Variants in RPS6KC1 observed in about 807,000 individuals in gnomAD.
The protein encoded by RPS6KC1 is inactive ribosomal protein S6 kinase delta-1.
Under a neutral mutation model 103.8 loss-of-function variants are expected in RPS6KC1, and 54 were observed. The ratio of observed to expected loss-of-function variants is 0.52; its 90% CI spans 0.42 to 0.65. The LOEUF (loss-of-function observed/expected upper bound fraction) is 0.65, where lower values mean the gene tolerates loss of function less well. Among genes scored for constraint, RPS6KC1 ranks in the 30% least tolerant of loss-of-function variants. The probability of loss-of-function intolerance (pLI) is 0.00; values close to 1 mark genes in which losing one functional copy is unlikely to be tolerated. For synonymous variants in RPS6KC1, 439 were observed against 438.7 expected (o/e 1.00, Z -0.01); for missense variants, 1,151 against 1,253.8 (o/e 0.92, Z 1.24).
chr1:213,091,959 C>CT (rs34813812), intron 3 of RPS6KC1, among the ~76,000 whole-genome samples: 66,333 of 145,276 alleles, frequency 0.46, 18,202 homozygotes, highest in Non-Finnish European at 0.62. Flanking sequence ...CATTACATTT[C>CT]TTTTTTTTTT....
At chr1:213,650,834 G>A in the RPS6KC1 span, among the ~76,000 whole-genome samples, 1 of 151,050 alleles carries the variant, frequency 6.6e-6, no homozygotes, top group African/African-American at 2.4e-5. Context: ...AATATGGGAA[G>A]CCAAACTCAA....
chr1:213,535,112 A>G, the RPS6KC1 span, among the ~76,000 whole-genome samples: 2 of 152,184 alleles, frequency 1.3e-5, no homozygotes, highest in African/African-American at 2.4e-5. Flanking sequence ...CAGGCTCCAT[A>G]TGGAGGTTCA....
At position 213,112,500 on chromosome 1, in the gene RPS6KC1, ATTTT is replaced by A. The variant is rs543879407; in HGVS notation, c.379-4812_379-4809del. ...AAATATCTCTACTAAAAGTACCTTA[ATTTT>A]TTTTGTTTTACCTATATTGTATACA... On this transcript the variant is annotated intron_variant, in intron 4 of 14. Coordinates refer to ENST00000366960, the MANE Select transcript of RPS6KC1 (RefSeq NM_012424.6). Among the ~76,000 whole-genome samples, 554 of 151,310 alleles carry A rather than the reference ATTTT, an allele frequency of 3.7e-3. 4 individuals are homozygous for A. Among genetic ancestry groups the A allele is most frequent in the African/African-American group, 0.013 (535 of 41,378 alleles).
At chr1:213,151,341 G>C (rs2088843084) in intron 6 of RPS6KC1, among the ~76,000 whole-genome samples, 1 of 132,014 alleles carries the variant, frequency 7.6e-6, no homozygotes, top group African/African-American at 3.0e-5. Context: ...TGGCCGGGCG[G>C]GGGGCTAACC....
the RPS6KC1 span, among the ~76,000 whole-genome samples, chr1:213,700,249 G>A: frequency 6.6e-5 from 10 of 151,868 alleles, no homozygotes; most frequent in Middle Eastern, 3.4e-3. Context: ...TAGGGGTTTC[G>A]TTTTGTTTTT....
intron 8 of RPS6KC1, among the ~76,000 whole-genome samples, chr1:213,206,623 T>C (rs1235057116): frequency 6.6e-6 from 1 of 152,248 alleles, no homozygotes; most frequent in East Asian, 1.9e-4. Flanking sequence ...TTGAGCCAAA[T>C]ACTGCTTCTT....
the RPS6KC1 span, among the ~76,000 whole-genome samples, chr1:213,564,887 T>C: frequency 6.6e-6 from 1 of 152,238 alleles, no homozygotes; most frequent in South Asian, 2.1e-4. Context: ...TTAGTCTCCA[T>C]ACTGGACCCT....
At chr1:213,360,744 T>C in the RPS6KC1 span, among the ~76,000 whole-genome samples, 2 of 152,244 alleles carry the variant, frequency 1.3e-5, no homozygotes, top group African/African-American at 2.4e-5. Context: ...TTGGTGTCGA[T>C]GTCCTTTCTG....
the RPS6KC1 span, among the ~76,000 whole-genome samples, chr1:213,580,426 T>A: frequency 6.6e-6 from 1 of 152,144 alleles, no homozygotes; most frequent in South Asian, 2.1e-4. Context: ...AAAGATGCTG[T>A]AAACATTGTT....
At chr1:213,428,558 C>T in the RPS6KC1 span, 2 of 135,040 alleles carry the variant, frequency 1.5e-5, no homozygotes, top group Non-Finnish European at 3.2e-5. Context: ...CTTTCTCTCT[C>T]GCTCGCTCTT....
intron 12 of RPS6KC1, among the ~76,000 whole-genome samples, chr1:213,257,375 A>G (rs1396752429): frequency 5.3e-5 from 8 of 152,242 alleles, no homozygotes; most frequent in Non-Finnish European, 1.2e-4. Flanking sequence ...CCTCATGAGC[A>G]GAGACTTAGA....
the RPS6KC1 span, among the ~76,000 whole-genome samples, chr1:213,744,173 C>T: frequency 3.9e-5 from 6 of 152,146 alleles, no homozygotes; most frequent in African/African-American, 1.2e-4. Context: ...ATGGTGGGTA[C>T]AGTGTACACT....
At chr1:213,578,291 G>T in the RPS6KC1 span, among the ~76,000 whole-genome samples, 1 of 152,232 alleles carries the variant, frequency 6.6e-6, no homozygotes, top group African/African-American at 2.4e-5. Context: ...GAGGTGTGCT[G>T]CAGGGGCAGA....
intron 3 of RPS6KC1, among the ~76,000 whole-genome samples, chr1:213,078,024 A>C (rs1251420766): frequency 6.6e-6 from 1 of 152,148 alleles, no homozygotes; most frequent in African/African-American, 2.4e-5. Flanking sequence ...CTATGAAACA[A>C]AACAACTTCA....
chr1:213,768,694 A>C, the RPS6KC1 span, among the ~76,000 whole-genome samples: 10 of 152,228 alleles, frequency 6.6e-5, no homozygotes, highest in Non-Finnish European at 1.0e-4. Context: ...ATAGCATGGC[A>C]TAAAACTTTA....
At chr1:213,465,207 G>T in the RPS6KC1 span, among the ~76,000 whole-genome samples, 1 of 152,104 alleles carries the variant, frequency 6.6e-6, no homozygotes, top group Admixed American at 6.6e-5. Context: ...CCTCTCTTTT[G>T]CAGGTGTTGC....
chr1:213,283,564 T>C, the RPS6KC1 span, among the ~76,000 whole-genome samples: 4 of 152,232 alleles, frequency 2.6e-5, no homozygotes, highest in African/African-American at 9.6e-5. Flanking sequence ...GTGGCCCAAT[T>C]TGAGAGCAGC....
At chr1:213,247,103 T>G (rs2148988329) in intron 12 of RPS6KC1, among the ~76,000 whole-genome samples, 1 of 152,330 alleles carries the variant, frequency 6.6e-6, no homozygotes, top group East Asian at 1.9e-4. Context: ...GAAATTTACA[T>G]TGATATTTGT....
the RPS6KC1 span, among the ~76,000 whole-genome samples, chr1:213,301,933 G>C: frequency 1.3e-5 from 2 of 151,874 alleles, no homozygotes; most frequent in African/African-American, 2.4e-5. Context: ...AAGGGGTTTC[G>C]CCATCTGGGC....
Sources: allele counts gnomAD v4.1 joint callset (sites outside exome capture counted in the v4.1 genomes callset), GRCh38; gene constraint gnomAD v4.1.1; transcripts MANE v1.5; gene names NCBI Gene and HGNC (gene_info 2026-07-23, HGNC 2026-07-21).